The following ARHGAP29 variants were observed in gnomAD, a reference collection of about 807,000 sequenced individuals.
ARHGAP29 encodes Rho GTPase activating protein 29.
In ARHGAP29, 43 loss-of-function variants were observed where a neutral mutation model predicts 122.6. That is an observed-to-expected ratio of 0.35 (90% CI 0.27 to 0.45). The LOEUF (loss-of-function observed/expected upper bound fraction) is 0.45. ARHGAP29 is among the 20% of genes least tolerant of loss of function. The pLI is 1.00. For missense variants in ARHGAP29, 1,303 were observed against 1,477.2 expected (o/e 0.88, Z 1.93); for synonymous variants, 506 against 497.1 (o/e 1.02, Z -0.24).
At chr1:94,294,650 G>A in the ARHGAP29 span, among the ~76,000 whole-genome samples, 1 of 152,116 alleles carries the variant, frequency 6.6e-6, no homozygotes, top group Non-Finnish European at 1.5e-5. Context: ...AGAGATGATA[G>A]GTGTATTTGT....
At chr1:94,261,755 T>C (rs1422002157) in intron 1 of ARHGAP29, among the ~76,000 whole-genome samples, 1 of 152,152 alleles carries the variant, frequency 6.6e-6, no homozygotes, top group East Asian at 1.9e-4. Flanking sequence ...AAATCAGAGA[T>C]GACACAGACA....
chr1:94,202,879 T>A, intron 10 of ARHGAP29, 39 bp downstream of exon 10: 4 of 1,568,500 alleles, frequency 2.6e-6, no homozygotes, highest in Non-Finnish European at 3.5e-6. Flanking sequence ...ATTTTAAATG[T>A]TCACAAATAG....
At chr1:94,312,744 C>T in the ARHGAP29 span, among the ~76,000 whole-genome samples, 16 of 152,058 alleles carry the variant, frequency 1.1e-4, no homozygotes, top group Admixed American at 4.6e-4. Flanking sequence ...TGCCTGGCCC[C>T]GTCTTCTTCT....
chr1:94,204,108 T>C (rs954788912), intron 7 of ARHGAP29, 114 bp from the exon 8 acceptor site: 5 of 699,216 alleles, frequency 7.2e-6, no homozygotes, highest in Non-Finnish European at 1.2e-5. Flanking sequence ...AATACTAGTG[T>C]GTATCAAGAT....
chr1:94,260,354 T>A (rs2100713112), intron 1 of ARHGAP29, among the ~76,000 whole-genome samples: 1 of 152,296 alleles, frequency 6.6e-6, no homozygotes, highest in African/African-American at 2.4e-5. Flanking sequence ...TCAAATCTGA[T>A]GGACTCTCTG....
chr1:94,310,228 G>A, the ARHGAP29 span, among the ~76,000 whole-genome samples: 4 of 152,158 alleles, frequency 2.6e-5, no homozygotes, highest in Admixed American at 6.5e-5. Flanking sequence ...AGATACAGGG[G>A]TTGTAGTAGA....
intron 3 of ARHGAP29, among the ~76,000 whole-genome samples, chr1:94,217,540 A>T (rs1051536019): frequency 6.6e-6 from 1 of 151,428 alleles, no homozygotes; most frequent in Non-Finnish European, 1.5e-5. Flanking sequence ...AAAAAAAAAA[A>T]AAAACACTCA....
At chr1:94,281,873 T>A in the ARHGAP29 span, among the ~76,000 whole-genome samples, 13 of 152,128 alleles carry the variant, frequency 8.5e-5, no homozygotes, top group Non-Finnish European at 1.6e-4. Context: ...CTTAATACTG[T>A]CATTATGATG....
chr1:94,279,167 A>C (rs1456826314), upstream of ARHGAP29, among the ~76,000 whole-genome samples: 2 of 152,166 alleles, frequency 1.3e-5, no homozygotes, highest in Non-Finnish European at 2.9e-5. Context: ...TTGTCCATTA[A>C]CATGGTGGTT....
intron 3 of ARHGAP29, among the ~76,000 whole-genome samples, chr1:94,210,694 AGAAACAGATTATACTTCTACCT>A (rs1417419215): frequency 6.6e-6 from 1 of 152,208 alleles, no homozygotes; most frequent in Non-Finnish European, 1.5e-5. Context: ...ACCAAGATGG[AGAAACAGATTATACTTCTACCT>A]GAAACAACTA....
intron 22 of ARHGAP29, chr1:94,176,720 G>A (rs72727429): frequency 0.027 from 4,061 of 152,068 alleles, 78 homozygotes; most frequent in Non-Finnish European, 0.036. Flanking sequence ...TGATTCTCCT[G>A]CCTTAGCCTC....
chr1:94,205,025 TA>T, intron 7 of ARHGAP29, 35 bp downstream of exon 7: 1 of 1,499,720 alleles, frequency 6.7e-7, no homozygotes, highest in Non-Finnish European at 8.9e-7. Context: ...ACTTAATTAT[TA>T]TACTCTAAAT....
At chr1:94,214,782 A>G (rs1265610969) in intron 3 of ARHGAP29, among the ~76,000 whole-genome samples, 1 of 152,214 alleles carries the variant, frequency 6.6e-6, no homozygotes. Context: ...TATCTCTTCA[A>G]GAAATCACCT....
intron 1 of ARHGAP29, among the ~76,000 whole-genome samples, chr1:94,260,929 T>G (rs1654535425): frequency 6.6e-6 from 1 of 152,192 alleles, no homozygotes; most frequent in Non-Finnish European, 1.5e-5. Flanking sequence ...GAGGCATAGC[T>G]GTGCAGCTGT....
At chr1:94,220,735 A>T (rs1328851234) in intron 2 of ARHGAP29, among the ~76,000 whole-genome samples, 1 of 152,010 alleles carries the variant, frequency 6.6e-6, no homozygotes, top group African/African-American at 2.4e-5. Flanking sequence ...ACTATCATAT[A>T]TTTTTTAACA....
At chr1:94,309,673 T>A in the ARHGAP29 span, among the ~76,000 whole-genome samples, 2 of 151,982 alleles carry the variant, frequency 1.3e-5, no homozygotes, top group Admixed American at 1.3e-4. Flanking sequence ...GAGGGAGGGA[T>A]GGATGATGCA....
At chr1:94,228,605 T>A (rs1652749756) in intron 2 of ARHGAP29, among the ~76,000 whole-genome samples, 1 of 151,818 alleles carries the variant, frequency 6.6e-6, no homozygotes, top group South Asian at 2.1e-4. Context: ...TCAAAAGTTA[T>A]ACATACATCT....
chr1:94,223,808 C>CT (rs1557873492), intron 2 of ARHGAP29, among the ~76,000 whole-genome samples: 1 of 150,508 alleles, frequency 6.6e-6, no homozygotes. Context: ...AAAACCTTCC[C>CT]TTTTTTTTTT....
At chr1:94,180,371 T>C (rs1649376682) in intron 19 of ARHGAP29, among the ~76,000 whole-genome samples, 1 of 152,196 alleles carries the variant, frequency 6.6e-6, no homozygotes, top group South Asian at 2.1e-4. Flanking sequence ...TTTCTTGATA[T>C]GAGAGAAACA....
Sources: allele counts gnomAD v4.1 joint callset (sites outside exome capture counted in the v4.1 genomes callset), GRCh38; gene constraint gnomAD v4.1.1; transcripts MANE v1.5; gene names NCBI Gene and HGNC (gene_info 2026-07-23, HGNC 2026-07-21).